UBE2R2: variants seen among roughly 807,000 people sequenced by gnomAD.
UBE2R2 encodes ubiquitin conjugating enzyme E2 R2.
In UBE2R2, 1 loss-of-function variant was observed where a neutral mutation model predicts 27.8. The ratio of observed to expected loss-of-function variants is 0.04; its 90% CI spans 0.01 to 0.17. The LOEUF (loss-of-function observed/expected upper bound fraction) is 0.17. UBE2R2 is among the 10% of genes least tolerant of loss of function. The probability of loss-of-function intolerance (pLI) is 1.00; values close to 1 mark genes in which losing one functional copy is unlikely to be tolerated. For synonymous variants in UBE2R2, 106 were observed against 113.3 expected, an observed-to-expected ratio of 0.94 and a Z score of 0.41; for missense variants, 100 against 291.0, an observed-to-expected ratio of 0.34 and a Z score of 4.78.
chr9:33,896,375 C>T (rs956170129), intron 2 of UBE2R2, among the ~76,000 whole-genome samples: 3 of 151,926 alleles, frequency 2.0e-5, no homozygotes, highest in South Asian at 2.1e-4. Context: ...GTCAAGCTCC[C>T]GATCTTAGGA....
At chr9:33,839,547 T>C (rs761039881) in intron 1 of UBE2R2, among the ~76,000 whole-genome samples, 1 of 152,272 alleles carries the variant, frequency 6.6e-6, no homozygotes, top group South Asian at 2.1e-4. Context: ...CTGAGATTAG[T>C]GTTCTTATGA....
intron 1 of UBE2R2, among the ~76,000 whole-genome samples, chr9:33,872,228 CAAA>C (rs760878428): frequency 1.5e-5 from 2 of 133,608 alleles, no homozygotes; most frequent in African/African-American, 5.5e-5. Context: ...CTATCTCTAC[CAAA>C]AAAAAAAAAA....
Position 33,917,312 on chromosome 9 carries a change from T to A in UBE2R2, c.*75T>A, listed in dbSNP as rs1822672483. The A allele has an allele frequency of 8.2e-6, 13 of 1,583,482 alleles. No homozygotes were observed. The South Asian group carries it at 1.1e-4, about 14-fold the overall frequency. On this transcript the variant is annotated 3_prime_UTR_variant, in exon 5 of 5. Transcript: ENST00000263228. ...AGGGGAGCAAGTGGGGACCTGGCCA[T>A]GGCCCCTCAGCAAAAACCTATTCAC...
chr9:33,876,451 T>A (rs1821604253), intron 1 of UBE2R2, among the ~76,000 whole-genome samples: 1 of 152,138 alleles, frequency 6.6e-6, no homozygotes, highest in Non-Finnish European at 1.5e-5. Context: ...CAGGGAAGCA[T>A]TACAGCAGGA....
intron 3 of UBE2R2, among the ~76,000 whole-genome samples, chr9:33,900,584 T>C (rs1570780): frequency 0.055 from 8,310 of 152,288 alleles, 334 homozygotes; most frequent in Non-Finnish European, 0.082. Context: ...GTGTCATTCA[T>C]TGGTTGCAGT....
chr9:33,850,481 C>G (rs1820941811), intron 1 of UBE2R2, among the ~76,000 whole-genome samples: 1 of 152,022 alleles, frequency 6.6e-6, no homozygotes, highest in Non-Finnish European at 1.5e-5. Flanking sequence ...ATCAGCTGAA[C>G]AGACGAGCCT....
At chr9:33,835,245 C>G (rs757333245) in intron 1 of UBE2R2, among the ~76,000 whole-genome samples, 26 of 143,884 alleles carry the variant, frequency 1.8e-4, no homozygotes, top group Non-Finnish European at 3.6e-4. Context: ...TCTCCAGGTT[C>G]AAGTGATTCT....
At chr9:33,862,871 T>G (rs1415643949) in intron 1 of UBE2R2, among the ~76,000 whole-genome samples, 1 of 152,230 alleles carries the variant, frequency 6.6e-6, no homozygotes. Context: ...ATTCATCTAT[T>G]ACTTTCTTTA....
chr9:33,900,141 G>A, intron 2 of UBE2R2, 33 bp from the exon 3 acceptor site: 1 of 1,550,852 alleles, frequency 6.4e-7, no homozygotes, highest in Non-Finnish European at 8.9e-7. Flanking sequence ...CACTTTTTGA[G>A]TATTTACTGA....
intron 1 of UBE2R2, among the ~76,000 whole-genome samples, chr9:33,838,784 C>T (rs1223744353): frequency 2.6e-5 from 4 of 152,080 alleles, no homozygotes; most frequent in East Asian, 1.9e-4. Context: ...TATTGTTTTA[C>T]ATAGTTGCTG....
intron 1 of UBE2R2, among the ~76,000 whole-genome samples, chr9:33,856,172 A>G (rs1388217349): frequency 6.6e-6 from 1 of 152,212 alleles, no homozygotes; most frequent in African/African-American, 2.4e-5. Flanking sequence ...GGTGAGAACC[A>G]AGGACAAAAT....
chr9:33,900,908 CCT>C (rs1204240373), intron 3 of UBE2R2, among the ~76,000 whole-genome samples: 2 of 151,442 alleles, frequency 1.3e-5, no homozygotes, highest in African/African-American at 4.9e-5. Flanking sequence ...ATGGGCAACT[CCT>C]CTCTCTCTCT....
At chr9:33,863,528 CAAAA>C (rs531271065) in intron 1 of UBE2R2, among the ~76,000 whole-genome samples, 1 of 121,426 alleles carries the variant, frequency 8.2e-6, no homozygotes, top group Non-Finnish European at 1.8e-5. Context: ...CTCCAAAAAA[CAAAA>C]AAAAAAAAAG....
chr9:33,919,698 T>C lies in UBE2R2; in HGVS notation c.*2461T>C, dbSNP rs1345586063. The C allele has an allele frequency of 6.6e-6, 1 of 151,724 alleles. No individual in the cohort carries two copies. The highest frequency in any genetic ancestry group is 6.6e-5 in the Admixed American group (1 of 15,248). 9.4% of individuals were successfully genotyped at this position (151,724 alleles called of 1,614,324 possible). A position where few individuals can be genotyped will look rare whatever the true frequency, so the allele number is the denominator to read the frequency against. ...CCAGAGCTCTGTCCCTGAGAACACA[T>C]CCCTGTGGAAAATACTTGAGTTTGT... On this transcript the variant is annotated 3_prime_UTR_variant, in exon 5 of 5. Transcript: ENST00000263228.
chr9:33,871,023 T>C (rs1192232968), intron 1 of UBE2R2, among the ~76,000 whole-genome samples: 2 of 152,222 alleles, frequency 1.3e-5, no homozygotes, highest in East Asian at 1.9e-4. Flanking sequence ...GCATTATTTT[T>C]CCCTTTGCCT....
chr9:33,907,840 T>C (rs1822393729), intron 3 of UBE2R2, among the ~76,000 whole-genome samples: 1 of 152,066 alleles, frequency 6.6e-6, no homozygotes. Context: ...GTTGTTGTTT[T>C]TTTTTAAGAC....
intron 1 of UBE2R2, among the ~76,000 whole-genome samples, chr9:33,845,507 C>G (rs1351144941): frequency 6.6e-6 from 1 of 151,948 alleles, no homozygotes; most frequent in Non-Finnish European, 1.5e-5. Context: ...CTCGGCCTCC[C>G]AAAGTGCTGG....
At chr9:33,898,614 G>A (rs541140632) in intron 2 of UBE2R2, among the ~76,000 whole-genome samples, 25 of 152,060 alleles carry the variant, frequency 1.6e-4, no homozygotes, top group South Asian at 4.2e-4. Flanking sequence ...ATCTTAAGTC[G>A]TGTGTGGTAG....
At chr9:33,833,503 G>A (rs118005735) in intron 1 of UBE2R2, among the ~76,000 whole-genome samples, 2,521 of 152,258 alleles carry the variant, frequency 0.017, 37 homozygotes, top group South Asian at 0.062. Context: ...TGATATGGTC[G>A]TTTCTTGTAA....
Sources: gnomAD v4.1 joint callset for allele counts (sites outside exome capture counted in the v4.1 genomes callset) on GRCh38, gnomAD v4.1.1 for gene constraint, MANE v1.5 for transcripts, NCBI Gene and HGNC (gene_info 2026-07-23, HGNC 2026-07-21) for gene names.